The following TMCO4 variants were observed in gnomAD, a reference collection of about 807,000 sequenced individuals.
The protein encoded by TMCO4 is transmembrane and coiled-coil domains 4.
In TMCO4, 58 loss-of-function variants were observed where a neutral mutation model predicts 64.7. That is an observed-to-expected ratio of 0.90 (90% CI 0.73 to 1.12). The LOEUF (loss-of-function observed/expected upper bound fraction) is 1.12. Ranked by LOEUF, TMCO4 falls within the 50% of genes most tolerant of loss-of-function variation. The probability of loss-of-function intolerance (pLI) is 0.00; values close to 1 mark genes in which losing one functional copy is unlikely to be tolerated. For missense variants in TMCO4, 780 were observed against 825.9 expected (o/e 0.94, Z 0.68); for synonymous variants, 325 against 346.1 (o/e 0.94, Z 0.68).
chr1:19,742,442 C>T (rs1350285454), intron 10 of TMCO4, among the ~76,000 whole-genome samples: 2 of 152,202 alleles, frequency 1.3e-5, no homozygotes, highest in Non-Finnish European at 2.9e-5. Context: ...CTCTACCTGC[C>T]TGCTCCAAAG....
Position 19,742,029 on chromosome 1 carries a change from C to T in TMCO4, c.878-1088G>A, listed in dbSNP as rs534722191. Among the ~76,000 whole-genome samples the T allele has an allele frequency of 1.8e-3, 272 of 152,166 alleles. 2 individuals carry two copies. Among genetic ancestry groups the T allele is most frequent in the Middle Eastern group, 3.4e-3 (1 of 294 alleles). ...CTGGAATTATAGGCGTGAACCACTG[C>T]GCCCGGCGAAAGTGACTTTTTCAAA... On this transcript the variant is annotated intron_variant, in intron 10 of 15. Transcript: ENST00000294543.
intron 3 of TMCO4, among the ~76,000 whole-genome samples, chr1:19,784,617 C>T (rs1033561354): frequency 5.3e-5 from 8 of 152,106 alleles, no homozygotes; most frequent in Non-Finnish European, 1.0e-4. Flanking sequence ...CCCTACAATG[C>T]ATTCTCTACA....
intron 7 of TMCO4, among the ~76,000 whole-genome samples, chr1:19,753,483 T>C (rs2042108836): frequency 6.6e-6 from 1 of 152,138 alleles, no homozygotes; most frequent in Non-Finnish European, 1.5e-5. Flanking sequence ...GCCTTAGGGC[T>C]CAGACAGGGA....
At chr1:19,694,340 C>G in intron 15 of TMCO4, 94 bp downstream of exon 15, 1 of 1,071,610 alleles carries the variant, frequency 9.3e-7, no homozygotes, top group Non-Finnish European at 1.4e-6. Context: ...GTGGCGTGGA[C>G]CAGGCTGGGG....
chr1:19,707,507 C>T (rs4543823), intron 13 of TMCO4, among the ~76,000 whole-genome samples: 3,152 of 152,304 alleles, frequency 0.021, 100 homozygotes, highest in African/African-American at 0.072. Context: ...CCTGTAATCC[C>T]AACTTCTTGG....
chr1:19,705,813 T>C (rs943680159), intron 13 of TMCO4, among the ~76,000 whole-genome samples: 1 of 151,936 alleles, frequency 6.6e-6, no homozygotes, highest in African/African-American at 2.4e-5. Context: ...ACAGTCAAAA[T>C]CCACTGTTTG....
chr1:19,737,478 G>A (rs758220519), intron 12 of TMCO4, 22 bp from the exon 13 acceptor site: 2 of 1,612,228 alleles, frequency 1.2e-6, no homozygotes, highest in South Asian at 1.1e-5. Context: ...AAGGACACAG[G>A]TGTCTGGAAG....
chr1:19,694,631 T>C lies in TMCO4; in HGVS notation c.1383-80A>G, dbSNP rs1162105026. ...GGACAGGACGGGCCAGGCTGCCTCC[T>C]GGGGAAGCCAGGTGGGAATGGAGCT... On this transcript the variant is annotated intron_variant, in intron 14 of 15. Transcript: ENST00000294543. 3.0e-6 allele frequency: 4 copies of C among 1,344,206 alleles called. No homozygotes were observed. The Admixed American group carries it at 5.4e-5, about 18-fold the overall frequency. 83.3% of individuals were successfully genotyped at this position (1,344,206 alleles called of 1,614,324 possible).
At chr1:19,700,467 C>A (rs1311270987) in intron 14 of TMCO4, among the ~76,000 whole-genome samples, 2 of 152,186 alleles carry the variant, frequency 1.3e-5, no homozygotes, top group Non-Finnish European at 1.5e-5. Context: ...CATGTCCCTT[C>A]CCCCAGCTCC....
In TMCO4 at chr1:19,747,279, G is replaced by T. The variant is rs755447272; in HGVS notation, c.516-19C>A. On this transcript the variant is annotated intron_variant, in intron 7 of 15. Transcript: ENST00000294543. ...GGCCATTCTGAGGGAAAAGAGGCTG[G>T]TCTTTAGGGCCAGCTGTGCCCAGGA... 4 of 1,605,702 alleles carry T rather than the reference G, an allele frequency of 2.5e-6. No homozygotes were observed. The Admixed American group carries it at 5.0e-5, about 20-fold the overall frequency.
At chr1:19,782,338 TA>T (rs924578766) in intron 3 of TMCO4, among the ~76,000 whole-genome samples, 1 of 152,150 alleles carries the variant, frequency 6.6e-6, no homozygotes, top group Non-Finnish European at 1.5e-5. Flanking sequence ...TGAAAAATGC[TA>T]AACCCAATGT....
chr1:19,692,524 G>A (rs59006400), intron 15 of TMCO4, among the ~76,000 whole-genome samples: 29,264 of 145,866 alleles, frequency 0.2, 3,305 homozygotes, highest in African/African-American at 0.32. Context: ...GAGGTCAGGA[G>A]TTTGAGAACA....
intron 4 of TMCO4, among the ~76,000 whole-genome samples, chr1:19,776,750 G>A (rs536154063): frequency 2.1e-4 from 32 of 152,136 alleles, no homozygotes; most frequent in Admixed American, 7.2e-4. Flanking sequence ...AAAGCCAGGC[G>A]GCCGCGGTGG....
At chr1:19,687,238 C>G (rs140958035) in intron 15 of TMCO4, among the ~76,000 whole-genome samples, 4 of 152,308 alleles carry the variant, frequency 2.6e-5, no homozygotes, top group African/African-American at 9.6e-5. Context: ...CAGGCGTGAG[C>G]CACTGCACCT....
At chr1:19,761,668 G>T (rs71645468) in intron 6 of TMCO4, among the ~76,000 whole-genome samples, 44,074 of 152,206 alleles carry the variant, frequency 0.29, 7,344 homozygotes, top group Non-Finnish European at 0.37. Flanking sequence ...CAGAGAGCTT[G>T]TGGAATTACA....
intron 14 of TMCO4, among the ~76,000 whole-genome samples, chr1:19,698,861 C>T (rs890962793): frequency 6.6e-5 from 10 of 152,202 alleles, no homozygotes; most frequent in African/African-American, 1.9e-4. Context: ...TGCACACATG[C>T]AATTTTAATT....
intron 14 of TMCO4, among the ~76,000 whole-genome samples, chr1:19,696,684 T>C (rs2095239525): frequency 6.6e-6 from 1 of 152,156 alleles, no homozygotes; most frequent in Admixed American, 6.5e-5. Context: ...ATACTGGATA[T>C]GAGGATGGTC....
chr1:19,722,701 T>C (rs973977488), intron 13 of TMCO4, among the ~76,000 whole-genome samples: 1 of 152,136 alleles, frequency 6.6e-6, no homozygotes, highest in Non-Finnish European at 1.5e-5. Flanking sequence ...GGAGACACAG[T>C]CCTGGAAGAA....
chr1:19,729,910 C>T (rs2100783594), intron 13 of TMCO4, among the ~76,000 whole-genome samples: 1 of 152,182 alleles, frequency 6.6e-6, no homozygotes, highest in South Asian at 2.1e-4. Context: ...TTAAAATATC[C>T]CACATATCCC....
Sources: gnomAD v4.1 joint callset for allele counts (sites outside exome capture counted in the v4.1 genomes callset) on GRCh38, gnomAD v4.1.1 for gene constraint, MANE v1.5 for transcripts, NCBI Gene and HGNC (gene_info 2026-07-23, HGNC 2026-07-21) for gene names.